RADIL: variants seen among roughly 807,000 people sequenced by gnomAD.
RADIL encodes ras-associating and dilute domain-containing protein.
In RADIL, 99 loss-of-function variants were observed where a neutral mutation model predicts 97.6. The ratio of observed to expected loss-of-function variants is 1.01; its 90% confidence interval spans 0.86 to 1.20. The LOEUF is 1.20. Among genes scored for constraint, RADIL ranks in the 50% most tolerant of loss-of-function variants. RADIL has a pLI of 0.00. For missense variants in RADIL, 1,765 were observed against 1,498.9 expected (o/e 1.18, Z -2.93); for synonymous variants, 803 against 691.8 (o/e 1.16, Z -2.52).
intron 2 of RADIL, among the ~76,000 whole-genome samples, chr7:4,839,573 AT>A (rs1468191219): frequency 6.6e-6 from 1 of 152,102 alleles, no homozygotes; most frequent in African/African-American, 2.4e-5. Context: ...GTAACAGAAT[AT>A]ATGTTATATA....
chr7:4,860,908 C>A, intron 2 of RADIL: 3 of 1,614,184 alleles, frequency 1.9e-6, no homozygotes, highest in Non-Finnish European at 2.5e-6. Flanking sequence ...CTCTTGGGTC[C>A]CATACAGGCA....
At chr7:4,875,481 G>A (rs762659642) in intron 2 of RADIL, among the ~76,000 whole-genome samples, 2 of 152,002 alleles carry the variant, frequency 1.3e-5, no homozygotes, top group East Asian at 1.9e-4. Flanking sequence ...ACTGGCAGTC[G>A]CCTATCACCT....
chr7:4,805,797 C>T, intron 9 of RADIL, 81 bp from the exon 10 acceptor site: 1 of 1,516,342 alleles, frequency 6.6e-7, no homozygotes, highest in Admixed American at 1.9e-5. Context: ...CCACAGGTGG[C>T]CTGGGGGTAG....
intron 2 of RADIL, among the ~76,000 whole-genome samples, chr7:4,862,585 C>T (rs1784041685): frequency 6.6e-6 from 1 of 152,198 alleles, no homozygotes; most frequent in South Asian, 2.1e-4. Context: ...CACTGTGTGT[C>T]CAGGCATAGA....
Position 4,835,833 on chromosome 7 carries a change from G to A in RADIL, c.783+525C>T, listed in dbSNP as rs1449142516. 6.6e-6 allele frequency among the ~76,000 whole-genome samples: 1 copy of A among 152,258 alleles called. No individual in the cohort carries two copies. Among genetic ancestry groups the A allele is most frequent in the African/African-American group, 2.4e-5 (1 of 41,476 alleles). ...GGGCAAGTGTCCGGCAAGGTGAGGCGAGGTGGCCCTGCGCCTGGCATTTGC... is the reference window on the plus strand; with the variant it reads ...GGGCAAGTGTCCGGCAAGGTGAGGCAAGGTGGCCCTGCGCCTGGCATTTGC... On this transcript the variant is annotated intron_variant, in intron 3 of 14. Coordinates refer to ENST00000399583, the MANE Select transcript of RADIL (RefSeq NM_018059.5). The surrounding 1 kb of genome is among the most constrained non-coding windows in gnomAD (Gnocchi z 5.8).
rs1309011931 is a variant in RADIL at position 4,797,976 on chromosome 7, A to T, written c.*1402T>A. 9 of 150,220 alleles carry T rather than the reference A, an allele frequency of 6.0e-5. No homozygotes were observed. In the East Asian group the frequency reaches 1.5e-3, roughly 26 times the overall value. The allele number at this position is 150,220 out of a possible 1,614,324, so 9.3% of individuals were successfully genotyped here. A position where few individuals can be genotyped will look rare whatever the true frequency, so the allele number is the denominator to read the frequency against. ...GTCACAGAGCGAGACTCCGTCTCAT[A>T]AAAAAAAATTAAATATTTATATTTT... On this transcript the variant is annotated 3_prime_UTR_variant, in exon 15 of 15. Coordinates refer to ENST00000399583, the MANE Select transcript of RADIL (RefSeq NM_018059.5).
In RADIL at chr7:4,835,929, G is replaced by A. The variant is rs1364870045; in HGVS notation, c.783+429C>T. ...CTCTGGGCAGATAGGGGTGGCATGG[G>A]CCTTTGCTCGGTGCCCCTTCAGAGA... On this transcript the variant is annotated intron_variant, in intron 3 of 14. Coordinates refer to ENST00000399583, the MANE Select transcript of RADIL (RefSeq NM_018059.5). This position sits in a 1 kb window ranked among gnomAD's most constrained non-coding sequence, Gnocchi z 5.8. 1.3e-5 allele frequency among the ~76,000 whole-genome samples: 2 copies of A among 152,240 alleles called. No individual in the cohort carries two copies. The highest frequency in any genetic ancestry group is 4.8e-5 in the African/African-American group (2 of 41,472).
Position 4,880,420 on chromosome 7 carries a change from A to G in RADIL, c.-64-2217T>C, listed in dbSNP as rs1012827431. On this transcript the variant is annotated intron_variant, in intron 1 of 14. Transcript: ENST00000399583. The surrounding 1 kb of genome is among the most constrained non-coding windows in gnomAD (Gnocchi z 4.5). ...GTGCACACCACACCAGCGGCTTCCA[A>G]TCGCCCTCTAGTCTGACCTCAGTCT... 6.6e-6 allele frequency among the ~76,000 whole-genome samples: 1 copy of G among 152,150 alleles called. No individual in the cohort carries two copies. The highest frequency in any genetic ancestry group is 2.4e-5 in the African/African-American group (1 of 41,426).
intron 9 of RADIL, chr7:4,809,379 G>T (rs1384169383): frequency 1.0e-6 from 1 of 985,298 alleles, no homozygotes; most frequent in Non-Finnish European, 1.2e-6. Flanking sequence ...GGCTGAGCGG[G>T]GGGAGGCGGA....
intron 3 of RADIL, 50 bp downstream of exon 3, chr7:4,836,308 G>C: frequency 6.4e-7 from 1 of 1,552,590 alleles, no homozygotes; most frequent in Non-Finnish European, 8.7e-7. Flanking sequence ...AGTCCCGCCT[G>C]CTGTCCCTGC....
chr7:4,855,107 G>A (rs536553236), intron 2 of RADIL, among the ~76,000 whole-genome samples: 3 of 152,202 alleles, frequency 2.0e-5, no homozygotes, highest in South Asian at 2.1e-4. Flanking sequence ...AGGCAGCTAC[G>A]GTCTAATTTC....
chr7:4,876,740 G>C (rs1341211820), intron 2 of RADIL, among the ~76,000 whole-genome samples: 2 of 152,242 alleles, frequency 1.3e-5, no homozygotes. Context: ...CGTGCTCTCG[G>C]CACTCCTCAG....
intron 2 of RADIL, among the ~76,000 whole-genome samples, chr7:4,870,395 T>C (rs1393986753): frequency 2.0e-5 from 3 of 152,206 alleles, no homozygotes; most frequent in African/African-American, 7.2e-5. Context: ...ACCAACATTA[T>C]AGGTCACTGT....
At chr7:4,848,587 G>C (rs1240200501) in intron 2 of RADIL, among the ~76,000 whole-genome samples, 2 of 152,078 alleles carry the variant, frequency 1.3e-5, no homozygotes, top group Admixed American at 6.6e-5. Context: ...AAAAATAAAA[G>C]TTGGACAGGA....
intron 2 of RADIL, among the ~76,000 whole-genome samples, chr7:4,844,814 G>A (rs968310547): frequency 2.0e-5 from 3 of 152,064 alleles, no homozygotes; most frequent in Admixed American, 1.3e-4. Context: ...ATTCTGCCCA[G>A]GCTGGCCGCA....
intron 5 of RADIL, 57 bp downstream of exon 5, chr7:4,832,084 T>C: frequency 1.3e-6 from 2 of 1,584,558 alleles, no homozygotes; most frequent in Middle Eastern, 1.8e-4. Context: ...CCCCGGGAAG[T>C]GTGAGCCCCC....
intron 2 of RADIL, chr7:4,860,941 C>A (rs767340301): frequency 1.2e-6 from 2 of 1,614,242 alleles, no homozygotes; most frequent in Non-Finnish European, 8.5e-7. Context: ...GTTCTTCAGG[C>A]TCCTTCAGTA....
intron 9 of RADIL, chr7:4,805,993 G>C: frequency 1.0e-6 from 1 of 985,468 alleles, no homozygotes; most frequent in Non-Finnish European, 1.2e-6. Flanking sequence ...GGCCTCACAG[G>C]CGGCCGCCAA....
chr7:4,797,524 C>A lies in RADIL; in HGVS notation c.*1854G>T, dbSNP rs1177741351. 1 of 152,176 alleles carries A rather than the reference C, an allele frequency of 6.6e-6. No individual in the cohort carries two copies. The highest frequency in any genetic ancestry group is 1.9e-4 in the East Asian group (1 of 5,196). The allele number at this position is 152,176 out of a possible 1,614,324, so 9.4% of individuals were successfully genotyped here. A position where few individuals can be genotyped will look rare whatever the true frequency, so the allele number is the denominator to read the frequency against. On this transcript the variant is annotated 3_prime_UTR_variant, in exon 15 of 15. Coordinates refer to ENST00000399583, the MANE Select transcript of RADIL (RefSeq NM_018059.5). ...GTCTTTCCTCTGGCCACAGTCCACA[C>A]CCCTCCCACATAAAAAATATACTCA...
Sources: allele counts gnomAD v4.1 joint callset (sites outside exome capture counted in the v4.1 genomes callset), GRCh38; gene constraint gnomAD v4.1.1; non-coding constraint Gnocchi (gnomAD v3.1); transcripts MANE v1.5; gene names NCBI Gene and HGNC (gene_info 2026-07-23, HGNC 2026-07-21).